THSD7B: variants seen among roughly 807,000 people sequenced by gnomAD.
The protein encoded by THSD7B is thrombospondin type 1 domain containing 7B.
A neutral mutation model predicts 213.6 loss-of-function variants in THSD7B; 138 were observed. The observed-to-expected ratio is 0.65, with a 90% CI of 0.56 to 0.74. THSD7B has a LOEUF of 0.74. THSD7B is among the 30% of genes least tolerant of loss of function. The probability of loss-of-function intolerance (pLI) is 0.00; values close to 1 mark genes in which losing one functional copy is unlikely to be tolerated. For synonymous variants in THSD7B, 742 were observed against 687.0 expected (o/e 1.08, Z -1.25); for missense variants, 1,931 against 1,991.5 (o/e 0.97, Z 0.58).
chr2:137,603,809 T>C (rs187524686), intron 17 of THSD7B, among the ~76,000 whole-genome samples: 138 of 152,300 alleles, frequency 9.1e-4, no homozygotes, highest in Non-Finnish European at 1.3e-3. Context: ...AAATTAGTAA[T>C]ATTAAAAACT....
intron 7 of THSD7B, among the ~76,000 whole-genome samples, chr2:137,202,157 C>T (rs1228099013): frequency 6.6e-6 from 1 of 152,092 alleles, no homozygotes; most frequent in Non-Finnish European, 1.5e-5. Context: ...AAGGACTGTG[C>T]TCATCTGAGT....
intron 15 of THSD7B, among the ~76,000 whole-genome samples, chr2:137,512,382 C>CT (rs70978233): frequency 0.045 from 3,646 of 81,292 alleles, 752 homozygotes; most frequent in African/African-American, 0.096. Context: ...CATTTATTTC[C>CT]TTTTTTTTTT....
At chr2:137,233,177 G>T in intron 9 of THSD7B, 44 bp downstream of exon 9, 2 of 1,535,796 alleles carry the variant, frequency 1.3e-6, no homozygotes, top group Non-Finnish European at 1.8e-6. Flanking sequence ...CTTATTTCAT[G>T]TTGAGTATTT....
chr2:136,952,644 A>G (rs952317188), intron 2 of THSD7B, among the ~76,000 whole-genome samples: 1 of 152,174 alleles, frequency 6.6e-6, no homozygotes, highest in African/African-American at 2.4e-5. Flanking sequence ...CTTGCATGCT[A>G]TACCAACACT....
chr2:136,894,962 T>G lies in THSD7B; in HGVS notation c.139+12645T>G, dbSNP rs557235906. Among the ~76,000 whole-genome samples, 8 of 152,308 alleles carry G rather than the reference T, an allele frequency of 5.3e-5. No individual in the cohort carries two copies. The South Asian group carries it at 1.7e-3, about 32-fold the overall frequency. On this transcript the variant is annotated intron_variant, in intron 2 of 27. Coordinates refer to ENST00000409968, the MANE Select transcript of THSD7B (RefSeq NM_001316349.2). ...AGCTCTGGGATTCTATCCAAAGCAA[T>G]TACCAGGCAGAATGTAGTCTCAAAG... is the stretch of plus-strand genomic sequence containing the variant.
At chr2:137,616,424 G>T in intron 18 of THSD7B, 108 bp downstream of exon 18, 1 of 992,508 alleles carries the variant, frequency 1.0e-6, no homozygotes, top group African/African-American at 1.6e-5. Flanking sequence ...TAGAATGTGT[G>T]AGTGTATTGC....
At chr2:137,558,838 C>T (rs951966842) in intron 15 of THSD7B, among the ~76,000 whole-genome samples, 2 of 152,192 alleles carry the variant, frequency 1.3e-5, no homozygotes, top group South Asian at 4.1e-4. Flanking sequence ...CCCAAATCTC[C>T]TTAAGCTGAT....
chr2:137,001,992 T>G (rs1283426701), intron 2 of THSD7B, among the ~76,000 whole-genome samples: 1 of 152,208 alleles, frequency 6.6e-6, no homozygotes, highest in Non-Finnish European at 1.5e-5. Context: ...GCTGCTGATC[T>G]ACAGGACCCT....
intron 12 of THSD7B, among the ~76,000 whole-genome samples, chr2:137,385,240 T>A (rs912927734): frequency 6.6e-6 from 1 of 152,198 alleles, no homozygotes; most frequent in African/African-American, 2.4e-5. Flanking sequence ...TAGTGTTAAT[T>A]GGCATTTTTA....
intron 1 of THSD7B, among the ~76,000 whole-genome samples, chr2:136,867,805 T>C (rs1683368020): frequency 6.6e-6 from 1 of 152,228 alleles, no homozygotes; most frequent in African/African-American, 2.4e-5. Context: ...TTTACTTCTT[T>C]CTCTGGGAGA....
chr2:137,615,374 G>A (rs1353769541), intron 17 of THSD7B, among the ~76,000 whole-genome samples: 1 of 152,176 alleles, frequency 6.6e-6, no homozygotes, highest in African/African-American at 2.4e-5. Flanking sequence ...CTTGATTAGT[G>A]TTCTGAAAAC....
At chr2:137,583,871 G>A (rs1381893181) in intron 17 of THSD7B, among the ~76,000 whole-genome samples, 3 of 152,142 alleles carry the variant, frequency 2.0e-5, no homozygotes, top group African/African-American at 7.2e-5. Context: ...CCAATTCTGT[G>A]AAGAAAGTCA....
At chr2:137,200,693 C>A (rs986111950) in intron 7 of THSD7B, among the ~76,000 whole-genome samples, 4 of 152,070 alleles carry the variant, frequency 2.6e-5, no homozygotes, top group Middle Eastern at 6.8e-3. Context: ...CTTACTCTGT[C>A]GCCCAGACTA....
At chr2:137,112,180 G>C (rs1688360257) in intron 4 of THSD7B, among the ~76,000 whole-genome samples, 1 of 152,118 alleles carries the variant, frequency 6.6e-6, no homozygotes. Context: ...AGGATGTTCA[G>C]TTTTCATGGC....
intron 1 of THSD7B, among the ~76,000 whole-genome samples, chr2:136,772,506 G>T (rs1332951520): frequency 1.3e-5 from 2 of 152,134 alleles, no homozygotes; most frequent in African/African-American, 4.8e-5. Flanking sequence ...GACATATTTA[G>T]GAAATCCACA....
At position 137,172,755 on chromosome 2, in the gene THSD7B, G is replaced by A. The variant is rs529305747; in HGVS notation, c.1723+1817G>A. ...CAGGCGACAGTCTGGGACTTGAGACGGGCATCTGAAGTGAGCGGCAGTCTT... is the reference window on the plus strand; with the variant it reads ...CAGGCGACAGTCTGGGACTTGAGACAGGCATCTGAAGTGAGCGGCAGTCTT... On this transcript the variant is annotated intron_variant, in intron 7 of 27. Transcript: ENST00000409968. Among the ~76,000 whole-genome samples, 6 of 152,276 alleles carry A rather than the reference G, an allele frequency of 3.9e-5. No homozygotes were observed. In the South Asian group the frequency reaches 6.2e-4, roughly 16 times the overall value.
At chr2:136,766,952 G>A (rs577947946) in intron 1 of THSD7B, among the ~76,000 whole-genome samples, 1 of 152,092 alleles carries the variant, frequency 6.6e-6, no homozygotes, top group African/African-American at 2.4e-5. Flanking sequence ...TAGGGCTCAT[G>A]CCAACCAGAC....
At chr2:137,530,823 G>A (rs1680383048) in intron 15 of THSD7B, among the ~76,000 whole-genome samples, 1 of 151,988 alleles carries the variant, frequency 6.6e-6, no homozygotes, top group Non-Finnish European at 1.5e-5. Flanking sequence ...ATTGTGATAA[G>A]TGACAAGGCT....
At chr2:137,302,522 C>T (rs1323648851) in intron 12 of THSD7B, among the ~76,000 whole-genome samples, 8 of 152,106 alleles carry the variant, frequency 5.3e-5, no homozygotes, top group East Asian at 3.9e-4. Flanking sequence ...AGCATGCCAT[C>T]GTGAGTTCAA....
Sources: gnomAD v4.1 joint callset for allele counts (sites outside exome capture counted in the v4.1 genomes callset) on GRCh38, gnomAD v4.1.1 for gene constraint, MANE v1.5 for transcripts, NCBI Gene and HGNC (gene_info 2026-07-23, HGNC 2026-07-21) for gene names.